ADAMTS12: variants seen among roughly 807,000 people sequenced by gnomAD.
ADAMTS12 encodes ADAM metallopeptidase with thrombospondin type 1 motif 12, also known as A disintegrin and metalloproteinase with thrombospondin motifs 12.
A neutral mutation model predicts 167.8 loss-of-function variants in ADAMTS12; 118 were observed. The observed-to-expected ratio is 0.70, with a 90% CI of 0.61 to 0.82. ADAMTS12 has a LOEUF of 0.82. ADAMTS12 is among the 40% of genes least tolerant of loss of function. The probability of loss-of-function intolerance (pLI) is 0.00; values close to 1 mark genes in which losing one functional copy is unlikely to be tolerated. For synonymous variants in ADAMTS12, 704 were observed against 716.9 expected, an observed-to-expected ratio of 0.98 and a Z score of 0.29; for missense variants, 1,916 against 1,998.8, an observed-to-expected ratio of 0.96 and a Z score of 0.79.
chr5:33,844,654 T>G (rs533836576), intron 2 of ADAMTS12, among the ~76,000 whole-genome samples: 1 of 152,350 alleles, frequency 6.6e-6, no homozygotes, highest in East Asian at 1.9e-4. Flanking sequence ...CCCGGTCCTG[T>G]GGTCCCATGA....
chr5:33,577,625 A>G (rs1345012435), intron 18 of ADAMTS12, among the ~76,000 whole-genome samples: 4 of 152,210 alleles, frequency 2.6e-5, no homozygotes, highest in African/African-American at 7.2e-5. Flanking sequence ...AGCAACTATC[A>G]TAACTCACAC....
intron 5 of ADAMTS12, among the ~76,000 whole-genome samples, chr5:33,681,283 A>G (rs770887068): frequency 7.2e-5 from 11 of 152,254 alleles, no homozygotes; most frequent in Middle Eastern, 3.4e-3. Flanking sequence ...AACACACACG[A>G]TCGTGGAGAT....
At chr5:33,707,871 C>T (rs187862370) in intron 3 of ADAMTS12, among the ~76,000 whole-genome samples, 129 of 152,256 alleles carry the variant, frequency 8.5e-4, no homozygotes, top group African/African-American at 3.0e-3. Context: ...CTAGGCAATA[C>T]CATTCAGAAC....
intron 3 of ADAMTS12, among the ~76,000 whole-genome samples, chr5:33,744,460 T>C (rs1246143008): frequency 1.3e-5 from 2 of 152,204 alleles, no homozygotes; most frequent in South Asian, 2.1e-4. Context: ...GCTGGGTCTT[T>C]ATCCTAAGGG....
intron 23 of ADAMTS12, among the ~76,000 whole-genome samples, chr5:33,528,305 T>C (rs1392225550): frequency 6.6e-6 from 1 of 152,028 alleles, no homozygotes; most frequent in Non-Finnish European, 1.5e-5. Context: ...AAAGACTACA[T>C]ATTGGGTATA....
intron 2 of ADAMTS12, among the ~76,000 whole-genome samples, chr5:33,777,459 A>G (rs1209085985): frequency 6.7e-6 from 1 of 149,208 alleles, no homozygotes; most frequent in Non-Finnish European, 1.5e-5. Flanking sequence ...ATGCAGAAAG[A>G]GCATTTGAAA....
intron 2 of ADAMTS12, among the ~76,000 whole-genome samples, chr5:33,804,810 A>C (rs1296756553): frequency 6.6e-6 from 1 of 152,202 alleles, no homozygotes; most frequent in Non-Finnish European, 1.5e-5. Context: ...TCCCCATTCC[A>C]TTCATTCCTA....
chr5:33,730,165 T>C (rs2112351208), intron 3 of ADAMTS12, among the ~76,000 whole-genome samples: 1 of 152,356 alleles, frequency 6.6e-6, no homozygotes, highest in East Asian at 1.9e-4. Flanking sequence ...TCTGAATCTT[T>C]CTGTGTGATA....
intron 3 of ADAMTS12, among the ~76,000 whole-genome samples, chr5:33,711,829 A>C (rs1454171388): frequency 6.6e-6 from 1 of 152,232 alleles, no homozygotes; most frequent in Admixed American, 6.5e-5. Context: ...GGATATGTGC[A>C]GAAAGCAGAT....
chr5:33,849,722 GTATCTATATATGTATTGCATAGCAA>G (rs1445457146), intron 2 of ADAMTS12, among the ~76,000 whole-genome samples: 1 of 146,956 alleles, frequency 6.8e-6, no homozygotes, highest in African/African-American at 2.5e-5. Flanking sequence ...GCAATATATA[GTATCTATATATGTATTGCATAGCAA>G]TATATAGTAT....
At chr5:33,756,303 G>A (rs1354149786) in intron 2 of ADAMTS12, among the ~76,000 whole-genome samples, 3 of 152,288 alleles carry the variant, frequency 2.0e-5, no homozygotes, top group Non-Finnish European at 2.9e-5. Flanking sequence ...TCACTGGAGC[G>A]GCACTTCCAT....
intron 2 of ADAMTS12, among the ~76,000 whole-genome samples, chr5:33,857,814 C>T (rs369536449): frequency 1.6e-4 from 25 of 152,198 alleles, no homozygotes; most frequent in Admixed American, 2.6e-4. Flanking sequence ...AAGTGTATAG[C>T]AATCCCAAAT....
chr5:33,662,182 G>T, intron 5 of ADAMTS12, 142 bp from the exon 6 acceptor site: 1 of 1,027,114 alleles, frequency 9.7e-7, no homozygotes, highest in Non-Finnish European at 1.4e-6. Flanking sequence ...ATGTGGCAGA[G>T]GCCAACTGAC....
At chr5:33,851,087 A>C (rs1340539947) in intron 2 of ADAMTS12, among the ~76,000 whole-genome samples, 1 of 152,214 alleles carries the variant, frequency 6.6e-6, no homozygotes, top group Non-Finnish European at 1.5e-5. Context: ...TGAAGTCTTA[A>C]GCCTAAATCA....
At chr5:33,634,774 A>G (rs968227054) in intron 12 of ADAMTS12, among the ~76,000 whole-genome samples, 1 of 152,206 alleles carries the variant, frequency 6.6e-6, no homozygotes, top group African/African-American at 2.4e-5. Context: ...TAGTAACCAC[A>G]GAAAGGTATA....
At chr5:33,721,472 T>A (rs1056062372) in intron 3 of ADAMTS12, among the ~76,000 whole-genome samples, 11 of 152,270 alleles carry the variant, frequency 7.2e-5, no homozygotes, top group African/African-American at 2.6e-4. Context: ...CCTTTTCCCC[T>A]CTCTATAGCT....
chr5:33,608,542 G>A (rs1366416827), intron 16 of ADAMTS12, among the ~76,000 whole-genome samples: 1 of 152,170 alleles, frequency 6.6e-6, no homozygotes, highest in East Asian at 1.9e-4. Context: ...TTGAGATGCA[G>A]TTCCTTTGAC....
intron 2 of ADAMTS12, among the ~76,000 whole-genome samples, chr5:33,825,958 A>T (rs1217315695): frequency 6.6e-6 from 1 of 152,194 alleles, no homozygotes; most frequent in Non-Finnish European, 1.5e-5. Context: ...CACCTCTGCA[A>T]ATTGAATTTA....
At chr5:33,712,648 G>A (rs1431347651) in intron 3 of ADAMTS12, among the ~76,000 whole-genome samples, 1 of 152,086 alleles carries the variant, frequency 6.6e-6, no homozygotes, top group African/African-American at 2.4e-5. Flanking sequence ...AAGGCTAAGT[G>A]CAAAATCACT....
Sources: allele counts gnomAD v4.1 joint callset (sites outside exome capture counted in the v4.1 genomes callset), GRCh38; gene constraint gnomAD v4.1.1; transcripts MANE v1.5; gene names NCBI Gene and HGNC (gene_info 2026-07-23, HGNC 2026-07-21).